The following TK2 variants were observed in gnomAD, a reference collection of about 807,000 sequenced individuals.
TK2 encodes thymidine kinase 2, mitochondrial.
TK2 carries 35 observed loss-of-function variants against 41.9 expected under a neutral mutation model. That is an observed-to-expected ratio of 0.84 (90% CI 0.64 to 1.11). The LOEUF is 1.11. Ranked by LOEUF, TK2 falls within the 50% of genes least tolerant of loss-of-function variation. The probability of loss-of-function intolerance (pLI) is 0.00; values close to 1 mark genes in which losing one functional copy is unlikely to be tolerated. For missense variants in TK2, 320 were observed against 351.1 expected, an observed-to-expected ratio of 0.91 and a Z score of 0.71; for synonymous variants, 128 against 129.1, an observed-to-expected ratio of 0.99 and a Z score of 0.06.
rs1964405657 is a variant in TK2 at position 66,510,082 on chromosome 16, AAAT to A, written c.*1883_*1885del. ...TGGCAAAAGCAGCTGGCAGAAGCTA[AAAT>A]CACTGGCCTAGGAAGCACTTCAAAA... On this transcript the variant is annotated 3_prime_UTR_variant, in exon 10 of 10. Transcript: ENST00000544898. 1 of 152,264 alleles carries A rather than the reference AAAT, an allele frequency of 6.6e-6. No individual in the cohort carries two copies. Among genetic ancestry groups the A allele is most frequent in the South Asian group, 2.1e-4 (1 of 4,828 alleles). The allele number at this position is 152,264 out of a possible 1,614,324, so 9.4% of individuals were successfully genotyped here. A position where few individuals can be genotyped will look rare whatever the true frequency, so the allele number is the denominator to read the frequency against.
intron 8 of TK2, among the ~76,000 whole-genome samples, chr16:66,516,791 G>A (rs1057105710): frequency 9.2e-5 from 14 of 151,832 alleles, no homozygotes; most frequent in Middle Eastern, 3.4e-3. Flanking sequence ...TTCTAGGGAG[G>A]ACACAGAGAG....
rs190528495 is a variant in TK2, at chr16:66,541,909, C to T, written c.201G>A (p.Leu67=). ...CGTCTGTCGCGTTGGAGAAGAATTCCAGGCATGTCGTCTTCCCACTTGCAA... is the reference window on the plus strand; with the variant it reads ...CGTCTGTCGCGTTGGAGAAGAATTCTAGGCATGTCGTCTTCCCACTTGCAA... ...GNIASGKTTC[L]EFFSNATDVE... is the part of the protein sequence containing the mutation. Residue 67 remains leucine (L), a synonymous_variant, in exon 3 of 10, where the codon CTG becomes CTA. Transcript: ENST00000544898. 5 of 1,614,122 alleles carry T rather than the reference C, an allele frequency of 3.1e-6. No homozygotes were observed. Among genetic ancestry groups the T allele is most frequent in the Non-Finnish European group, 4.2e-6 (5 of 1,180,012 alleles).
chr16:66,520,662 T>C (rs1055841026), intron 6 of TK2, among the ~76,000 whole-genome samples: 3 of 152,106 alleles, frequency 2.0e-5, no homozygotes, highest in Non-Finnish European at 4.4e-5. Flanking sequence ...CTGAGAGAAC[T>C]GCATGAGGAC....
chr16:66,515,413 G>A lies in TK2; in HGVS notation c.619-1602C>T, dbSNP rs990303155. 2.6e-5 allele frequency among the ~76,000 whole-genome samples: 4 copies of A among 152,324 alleles called. No homozygotes were observed. The East Asian group carries it at 7.7e-4, about 29-fold the overall frequency. On this transcript the variant is annotated intron_variant, in intron 8 of 9. Transcript: ENST00000544898. ...CCAACTGCAGAAAGCCTGATGCAGC[G>A]GAGCCCAAGGGAAAAGGGGCACAGG...
intron 2 of TK2, 152 bp downstream of exon 2, chr16:66,548,826 T>C: frequency 1.3e-6 from 1 of 743,248 alleles, no homozygotes; most frequent in Non-Finnish European, 2.3e-6. Flanking sequence ...GGTGGCCTTC[T>C]AGGAGGGTGA....
Position 66,510,376 on chromosome 16 carries a change from T to TA in TK2, c.*1591dup, listed in dbSNP as rs886052201. 6.6e-6 allele frequency: 1 copy of TA among 152,258 alleles called. No homozygotes were observed. The highest frequency in any genetic ancestry group is 1.5e-5 in the Non-Finnish European group (1 of 68,056). 9.4% of individuals were successfully genotyped at this position (152,258 alleles called of 1,614,324 possible). A position where few individuals can be genotyped will look rare whatever the true frequency, so the allele number is the denominator to read the frequency against. ...GTTCTGCCTTCGCCAGTTTTCCAGCTAATTAGCAGCACGTGGGCTACAGGT... is the reference window on the plus strand; with the variant it reads ...GTTCTGCCTTCGCCAGTTTTCCAGCTAAATTAGCAGCACGTGGGCTACAGGT... On this transcript the variant is annotated 3_prime_UTR_variant, in exon 10 of 10. Coordinates refer to ENST00000544898, the MANE Select transcript of TK2 (RefSeq NM_004614.5).
chr16:66,517,757 C>A lies in TK2; in HGVS notation c.538+32G>T, dbSNP rs1238779516. ...ATCCTCAAGGGACCCAGGAGAGAGA[C>A]AAGAGAGGGAGGTGGGAGGGGTGCA... is the stretch of plus-strand genomic sequence containing the variant. On this transcript the variant is annotated intron_variant, in intron 7 of 9. Coordinates refer to ENST00000544898, the MANE Select transcript of TK2 (RefSeq NM_004614.5). This position sits in a 1 kb window ranked among gnomAD's most constrained non-coding sequence, Gnocchi z 4.3. 4.4e-6 allele frequency: 7 copies of A among 1,604,832 alleles called. No homozygotes were observed. Among genetic ancestry groups the A allele is most frequent in the Non-Finnish European group, 6.0e-6 (7 of 1,171,640 alleles).
At chr16:66,542,375 GA>G (rs970043622) in intron 2 of TK2, among the ~76,000 whole-genome samples, 9 of 149,530 alleles carry the variant, frequency 6.0e-5, no homozygotes, top group Admixed American at 4.7e-4. Context: ...CTGCTTTACA[GA>G]AAAAAAAAGC....
At chr16:66,533,587 A>T (rs1213405081) in intron 4 of TK2, among the ~76,000 whole-genome samples, 3 of 152,078 alleles carry the variant, frequency 2.0e-5, no homozygotes, top group East Asian at 3.9e-4. Context: ...TAAAATTTTT[A>T]AAGAAGTTAA....
At chr16:66,516,109 G>A (rs1441845390) in intron 8 of TK2, among the ~76,000 whole-genome samples, 1 of 152,028 alleles carries the variant, frequency 6.6e-6, no homozygotes, top group East Asian at 1.9e-4. Flanking sequence ...ACATTAGTGA[G>A]GGATGGGGAA....
At chr16:66,516,399 C>T (rs1186994762) in intron 8 of TK2, among the ~76,000 whole-genome samples, 2 of 152,160 alleles carry the variant, frequency 1.3e-5, no homozygotes, top group Non-Finnish European at 2.9e-5. Flanking sequence ...GCCAGAGAGG[C>T]AGTTGGGGCC....
chr16:66,528,439 G>A (rs1239963856), intron 6 of TK2, among the ~76,000 whole-genome samples: 2 of 152,142 alleles, frequency 1.3e-5, no homozygotes, highest in African/African-American at 2.4e-5. Flanking sequence ...CGTCTGACTC[G>A]CCCAACTCTC....
intron 4 of TK2, 90 bp from the exon 5 acceptor site, chr16:66,531,559 A>C (rs1965114290): frequency 8.0e-7 from 1 of 1,249,926 alleles, no homozygotes; most frequent in Non-Finnish European, 1.2e-6. Context: ...AGCTCAAGAA[A>C]CCTACACAGG....
chr16:66,536,865 G>C, intron 4 of TK2, 99 bp downstream of exon 4: 1 of 1,396,556 alleles, frequency 7.2e-7, no homozygotes, highest in South Asian at 1.2e-5. Context: ...AGTTAAGAGC[G>C]CAGAGAATGC....
rs1964423164 is a variant in TK2 at position 66,510,588 on chromosome 16, GGGCCTGGGAGC to G, written c.*1369_*1379del. 6.6e-6 allele frequency: 1 copy of G among 152,256 alleles called. No individual in the cohort carries two copies. The highest frequency in any genetic ancestry group is 1.5e-5 in the Non-Finnish European group (1 of 68,098). The allele number at this position is 152,256 out of a possible 1,614,324, so 9.4% of individuals were successfully genotyped here. On this transcript the variant is annotated 3_prime_UTR_variant, in exon 10 of 10. Transcript: ENST00000544898. The stretch of plus-strand genomic sequence containing the variant: ...CATGCACAGGTGCCCACACTCACAG[GGGCCTGGGAGC>G]GGCCTTGCTACCTCTATTTACAGCC...
intron 1 of TK2, 149 bp from the exon 2 acceptor site, chr16:66,549,158 G>GGCGC: frequency 6.6e-7 from 1 of 1,515,270 alleles, no homozygotes; most frequent in South Asian, 1.3e-5. Flanking sequence ...CGAGATTGGA[G>GGCGC]GCGCGCACCA....
chr16:66,531,174 G>A (rs949385413), intron 5 of TK2, among the ~76,000 whole-genome samples: 3 of 152,190 alleles, frequency 2.0e-5, no homozygotes, highest in Admixed American at 1.3e-4. Flanking sequence ...GGCACCACCT[G>A]GCTGGCTGAG....
At chr16:66,516,264 G>A (rs973371511) in intron 8 of TK2, among the ~76,000 whole-genome samples, 3 of 151,896 alleles carry the variant, frequency 2.0e-5, no homozygotes, top group African/African-American at 7.2e-5. Flanking sequence ...ACACTTTAAA[G>A]ACAAAGGAAA....
Position 66,549,363 on chromosome 16 carries a change from A to G in TK2, c.125-354T>C, listed in dbSNP as rs1286601949. 3 of 1,137,866 alleles carry G rather than the reference A, an allele frequency of 2.6e-6. No homozygotes were observed. The African/African-American group carries it at 4.8e-5, about 18-fold the overall frequency. The allele number at this position is 1,137,866 out of a possible 1,614,324, so 70.5% of individuals were successfully genotyped here. ...GTGCACGGGGAAGAGTGGGCGGCGG[A>G]CGTGGTTTTGGGCCTGGGACCCAGG... On this transcript the variant is annotated intron_variant, in intron 1 of 9. Coordinates refer to ENST00000544898, the MANE Select transcript of TK2 (RefSeq NM_004614.5).
Sources: allele counts gnomAD v4.1 joint callset (sites outside exome capture counted in the v4.1 genomes callset), GRCh38; gene constraint gnomAD v4.1.1; non-coding constraint Gnocchi (gnomAD v3.1); transcripts MANE v1.5; gene names NCBI Gene and HGNC (gene_info 2026-07-23, HGNC 2026-07-21).